The following ZNF99 variants were observed in gnomAD, a reference collection of about 807,000 sequenced individuals.
ZNF99 encodes zinc finger protein ENSP00000375192.
In ZNF99, 8 loss-of-function variants were observed where a neutral mutation model predicts 12.8. That is an observed-to-expected ratio of 0.62 (90% CI 0.37 to 1.13). The LOEUF (loss-of-function observed/expected upper bound fraction) is 1.13, where lower values mean the gene tolerates loss of function less well. ZNF99 is among the 50% of genes most tolerant of loss of function. The probability of loss-of-function intolerance (pLI) is 0.02; values close to 1 mark genes in which losing one functional copy is unlikely to be tolerated. For missense variants in ZNF99, 1,007 were observed against 1,006.2 expected (o/e 1.00, Z -0.01); for synonymous variants, 318 against 319.0 (o/e 1.00, Z 0.03).
In ZNF99 at chr19:22,759,331, C is replaced by T. The variant is rs778335088; in HGVS notation, c.578G>A (p.Arg193Lys). 8.4e-6 allele frequency: 13 copies of T among 1,549,054 alleles called. No individual in the cohort carries two copies. The highest frequency in any genetic ancestry group is 1.1e-5 in the Non-Finnish European group (13 of 1,148,000). ...FMLSHLIQHK[R>K]IHTRENIYKC... is the part of the protein sequence containing the mutation. ...GTAGATATTCTCTCTAGTATGAATT[C>T]TCTTATGTTGAATTAAGTGTGAAAG... Residue 193 changes from arginine to lysine, a missense_variant, in exon 4 of 4, where the codon AGA (arginine) becomes AAA (lysine). Coordinates refer to ENST00000596209, the MANE Select transcript of ZNF99 (RefSeq NM_001080409.3).
rs1972988543 is a variant in ZNF99 at position 22,752,829 on chromosome 19, T to C, written c.*4485A>G. 6.6e-6 allele frequency: 1 copy of C among 152,198 alleles called. No homozygotes were observed. Among genetic ancestry groups the C allele is most frequent in the Admixed American group, 6.5e-5 (1 of 15,282 alleles). 9.4% of individuals were successfully genotyped at this position (152,198 alleles called of 1,614,324 possible). ...TCACTAATTTAATTTTAATTTTAAC[T>C]AAAATTTTAAAATGTTTTTCTCACT... is the stretch of plus-strand genomic sequence containing the variant. On this transcript the variant is annotated 3_prime_UTR_variant, in exon 4 of 4. Transcript: ENST00000596209.
intron 1 of ZNF99, among the ~76,000 whole-genome samples, chr19:22,775,919 G>C (rs1016859686): frequency 1.4e-4 from 21 of 152,298 alleles, no homozygotes; most frequent in African/African-American, 4.8e-4. Context: ...CTTCTCGGGA[G>C]GCTGAGGTAG....
rs1329397415 is a variant in ZNF99 at position 22,758,993 on chromosome 19, T to C, written c.916A>G (p.Ile306Val). Residue 306 changes from isoleucine to valine, a missense_variant, in exon 4 of 4, where the codon ATT becomes GTT. Physicochemically the swap from Ile to Val is conservative, Grantham distance 29. Coordinates refer to ENST00000596209, the MANE Select transcript of ZNF99 (RefSeq NM_001080409.3). ...QSSHLTRHKAIHTGEKPYKCE... is the reference protein window; with the variant it reads ...QSSHLTRHKAVHTGEKPYKCE... ...TTGTAGGGTTTCTCTCCAGTATGAA[T>C]TGCTTTATGTCTAGTAAGGTGTGAG... 2 of 1,613,938 alleles carry C rather than the reference T, an allele frequency of 1.2e-6. No homozygotes were observed. Among genetic ancestry groups the C allele is most frequent in the Admixed American group, 1.7e-5 (1 of 60,018 alleles).
chr19:22,753,917 C>A lies in ZNF99; in HGVS notation c.*3397G>T. On this transcript the variant is annotated 3_prime_UTR_variant, in exon 4 of 4. Coordinates refer to ENST00000596209, the MANE Select transcript of ZNF99 (RefSeq NM_001080409.3). Reference sequence around the variant, plus strand: ...CTCAAGTGTGACAACCATTTAAAGGCTTTGTGACATGACTCACATCTAGGG... The same window carrying A: ...CTCAAGTGTGACAACCATTTAAAGGATTTGTGACATGACTCACATCTAGGG... 2.6e-6 allele frequency: 1 copy of A among 381,352 alleles called. No individual in the cohort carries two copies. Among genetic ancestry groups the A allele is most frequent in the South Asian group, 2.0e-5 (1 of 49,880 alleles). The allele number at this position is 381,352 out of a possible 1,614,324, so 23.6% of individuals were successfully genotyped here.
chr19:22,782,441 T>C (rs1035216988), intron 1 of ZNF99, among the ~76,000 whole-genome samples: 1 of 151,870 alleles, frequency 6.6e-6, no homozygotes, highest in Non-Finnish European at 1.5e-5. Context: ...CCGCAACCTC[T>C]ATCTCCCGGG....
At chr19:22,779,520 G>A (rs1973365134) in intron 1 of ZNF99, among the ~76,000 whole-genome samples, 2 of 152,118 alleles carry the variant, frequency 1.3e-5, no homozygotes, top group Admixed American at 1.3e-4. Context: ...GTGAGACTCT[G>A]TCTCAAAAAA....
chr19:22,766,759 C>T (rs1377213974), intron 3 of ZNF99, among the ~76,000 whole-genome samples: 1 of 151,618 alleles, frequency 6.6e-6, no homozygotes. Flanking sequence ...TCAAGCAATT[C>T]TCCTGCATCA....
chr19:22,776,611 C>T (rs74341827), intron 1 of ZNF99, among the ~76,000 whole-genome samples: 3,344 of 151,434 alleles, frequency 0.022, 126 homozygotes, highest in African/African-American at 0.076. Flanking sequence ...AAAGCGTATG[C>T]GCTGCTGCTA....
intron 1 of ZNF99, among the ~76,000 whole-genome samples, chr19:22,778,337 A>G (rs912181130): frequency 3.3e-5 from 5 of 151,968 alleles, no homozygotes; most frequent in Non-Finnish European, 7.4e-5. Flanking sequence ...GGCCTCTGTG[A>G]TATCTCTCAG....
At chr19:22,780,690 T>TC (rs1264941448) in intron 1 of ZNF99, among the ~76,000 whole-genome samples, 8 of 103,304 alleles carry the variant, frequency 7.7e-5, no homozygotes, top group African/African-American at 1.3e-4. Flanking sequence ...AAACTCTGTT[T>TC]CAAAAAAAAA....
Position 22,756,405 on chromosome 19 carries a change from G to C in ZNF99, c.*909C>G, listed in dbSNP as rs370221090. On this transcript the variant is annotated 3_prime_UTR_variant, in exon 4 of 4. Coordinates refer to ENST00000596209, the MANE Select transcript of ZNF99 (RefSeq NM_001080409.3). ...TTCTCTCCAGAATGAATTATCTTAT[G>C]TTTAGTAAGGTTTGAGGACTAAATG... 325 of 1,587,694 alleles carry C rather than the reference G, an allele frequency of 2.0e-4. 10 individuals are homozygous for C. The highest frequency in any genetic ancestry group is 2.7e-4 in the Non-Finnish European group (314 of 1,168,568).
At chr19:22,779,977 A>G (rs559822828) in intron 1 of ZNF99, among the ~76,000 whole-genome samples, 4 of 152,206 alleles carry the variant, frequency 2.6e-5, no homozygotes, top group Admixed American at 1.3e-4. Flanking sequence ...ATCTTCAGTA[A>G]GACCCTCCCA....
chr19:22,766,949 C>T (rs1430908510), intron 3 of ZNF99, among the ~76,000 whole-genome samples: 5 of 152,060 alleles, frequency 3.3e-5, no homozygotes, highest in South Asian at 2.1e-4. Context: ...CCATGCCTGG[C>T]GTAACTTTCT....
chr19:22,773,372 C>T (rs4933034), intron 1 of ZNF99, among the ~76,000 whole-genome samples: 13,028 of 152,168 alleles, frequency 0.086, 576 homozygotes, highest in Middle Eastern at 0.11. Flanking sequence ...TAAACCTGAA[C>T]GTGACATGCA....
Position 22,784,067 on chromosome 19 carries a change from C to G in ZNF99, c.-51G>C. The G allele has an allele frequency of 6.2e-7, 1 of 1,609,966 alleles. No individual in the cohort carries two copies. The highest frequency in any genetic ancestry group is 8.5e-7 in the Non-Finnish European group (1 of 1,177,166). On this transcript the variant is annotated 5_prime_UTR_variant, in exon 1 of 4. Transcript: ENST00000596209. ...GTCCTAGCTGTGGATCTCCAAATAC[C>G]TACAGGTCACAGGGCCACAGAGGCT...
In ZNF99 at chr19:22,759,282, G is replaced by C. The variant is rs1480944802; in HGVS notation, c.627C>G (p.Ala209=). ...TAATAAGGGTTGAGAACCATTTAAAGGCTTTGCCACGTTCTTCACATTTGT... is the reference window on the plus strand; with the variant it reads ...TAATAAGGGTTGAGAACCATTTAAACGCTTTGCCACGTTCTTCACATTTGT... ...NIYKCEERGK[A]FKWFSTLIKH... The change falls in exon 4 of 4, where the codon GCC becomes GCG. Residue 209 remains alanine (A), a synonymous_variant. Coordinates refer to ENST00000596209, the MANE Select transcript of ZNF99 (RefSeq NM_001080409.3). 5.8e-6 allele frequency: 9 copies of C among 1,550,126 alleles called. No individual in the cohort carries two copies. In the African/African-American group the frequency reaches 9.6e-5, roughly 17 times the overall value.
At chr19:22,769,106 G>T in intron 2 of ZNF99, 92 bp downstream of exon 2, 3 of 1,347,678 alleles carry the variant, frequency 2.2e-6, no homozygotes, top group Non-Finnish European at 2.0e-6. Context: ...ACTTATTTAT[G>T]CTAAGCATAA....
intron 3 of ZNF99, among the ~76,000 whole-genome samples, chr19:22,767,427 A>T (rs530100168): frequency 6.6e-6 from 1 of 152,306 alleles, no homozygotes; most frequent in Admixed American, 6.5e-5. Flanking sequence ...AAAAATCTAT[A>T]TTTCATGCAA....
chr19:22,773,379 T>C (rs1472126322), intron 1 of ZNF99, among the ~76,000 whole-genome samples: 2 of 152,284 alleles, frequency 1.3e-5, no homozygotes, highest in East Asian at 3.9e-4. Context: ...GAACGTGACA[T>C]GCATCACAGT....
Sources: allele counts gnomAD v4.1 joint callset (sites outside exome capture counted in the v4.1 genomes callset), GRCh38; gene constraint gnomAD v4.1.1; transcripts MANE v1.5; gene names NCBI Gene and HGNC (gene_info 2026-07-23, HGNC 2026-07-21).